Variants in DUSP16 observed in about 807,000 individuals in gnomAD.
DUSP16 encodes dual specificity phosphatase 16.
In DUSP16, 21 loss-of-function variants were observed where a neutral mutation model predicts 58.3. That is an observed-to-expected ratio of 0.36 (90% confidence interval 0.26 to 0.52). The LOEUF (loss-of-function observed/expected upper bound fraction) is 0.52, where lower values mean the gene tolerates loss of function less well. DUSP16 is among the 20% of genes least tolerant of loss of function. The pLI is 0.94. For synonymous variants in DUSP16, 320 were observed against 323.8 expected (o/e 0.99, Z 0.12); for missense variants, 726 against 819.0 (o/e 0.89, Z 1.39).
In DUSP16 at chr12:12,477,383, C is replaced by T. The variant is rs955231110; in HGVS notation, c.1448G>A (p.Arg483Gln). Residue 483 changes from arginine to glutamine, a missense_variant, in exon 7 of 7, where the codon CGA (arginine) becomes CAA (glutamine). Arg to Gln is a conservative substitution (Grantham distance 43, BLOSUM62 1). Transcript: ENST00000298573. The surrounding 1 kb of genome is among the most constrained non-coding windows in gnomAD (Gnocchi z 4.1). ...GCTGCTGGTTCTGACCGAATGCAAT[C>T]GCTTGCTCTGGCTGTCTGAAGGCCT... The part of the protein sequence containing the change: ...TARPSDSQSK[R>Q]LHSVRTSSSG... 45 of 1,613,280 alleles carry T rather than the reference C, an allele frequency of 2.8e-5. No homozygotes were observed. The highest frequency in any genetic ancestry group is 3.6e-5 in the Non-Finnish European group (43 of 1,179,550).
intron 3 of DUSP16, among the ~76,000 whole-genome samples, chr12:12,519,036 C>T (rs763990816): frequency 5.9e-5 from 9 of 152,192 alleles, no homozygotes; most frequent in Non-Finnish European, 1.2e-4. Context: ...AAGCTGAATC[C>T]GCCCAACACA....
chr12:12,481,063 C>CTTTA (rs1037720579), intron 5 of DUSP16, among the ~76,000 whole-genome samples: 25 of 152,140 alleles, frequency 1.6e-4, no homozygotes, highest in Non-Finnish European at 3.1e-4. Context: ...AATGGCTCAA[C>CTTTA]TTTATTTACT....
rs534787711 is a variant in DUSP16, at chr12:12,557,414, G to A, written c.-366+4703C>T. Among the ~76,000 whole-genome samples the A allele has an allele frequency of 6.2e-5, 9 of 145,830 alleles. No individual in the cohort carries two copies. In the East Asian group the frequency reaches 1.0e-3, roughly 16 times the overall value. Reference sequence around the variant, plus strand: ...GGAGGCTGCAGAAAGCCGAGATGGCGCCACTGCACTCCAGCCTGGCGACAG... The same window carrying A: ...GGAGGCTGCAGAAAGCCGAGATGGCACCACTGCACTCCAGCCTGGCGACAG... On this transcript the variant is annotated intron_variant, in intron 1 of 6. Coordinates refer to ENST00000298573, the MANE Select transcript of DUSP16 (RefSeq NM_030640.3).
At chr12:12,504,005 G>T (rs1454870712) in intron 3 of DUSP16, among the ~76,000 whole-genome samples, 1 of 152,172 alleles carries the variant, frequency 6.6e-6, no homozygotes, top group Non-Finnish European at 1.5e-5. Context: ...TGGTATATAA[G>T]TGCCCACTGT....
intron 5 of DUSP16, 143 bp from the exon 6 acceptor site, chr12:12,480,489 T>C: frequency 1.0e-6 from 1 of 977,202 alleles, no homozygotes; most frequent in Non-Finnish European, 1.4e-6. Flanking sequence ...ATCCTCGCAA[T>C]ATTCTTTTGA....
rs1159015691 is a variant in DUSP16, at chr12:12,476,776, AT to A, written c.*56del. 4.1e-6 allele frequency: 6 copies of A among 1,477,448 alleles called. No homozygotes were observed. Among genetic ancestry groups the A allele is most frequent in the Non-Finnish European group, 5.4e-6 (6 of 1,108,214 alleles). 91.5% of individuals were successfully genotyped at this position (1,477,448 alleles called of 1,614,324 possible). A position where few individuals can be genotyped will look rare whatever the true frequency, so the allele number is the denominator to read the frequency against. Reference sequence around the variant, plus strand: ...TATATATATTTCAGATTTACAGGGAATTTTTTTGTGAACAAGAAAAAAAAAT... The same window carrying A: ...TATATATATTTCAGATTTACAGGGAATTTTTTGTGAACAAGAAAAAAAAAT... On this transcript the variant is annotated 3_prime_UTR_variant, in exon 7 of 7. Coordinates refer to ENST00000298573, the MANE Select transcript of DUSP16 (RefSeq NM_030640.3).
At chr12:12,523,400 T>C (rs1944261830) in intron 1 of DUSP16, among the ~76,000 whole-genome samples, 1 of 152,180 alleles carries the variant, frequency 6.6e-6, no homozygotes, top group Admixed American at 6.5e-5. Context: ...TAAAAACAGA[T>C]GTAATTCCAT....
chr12:12,553,136 T>G (rs928074381), intron 1 of DUSP16, among the ~76,000 whole-genome samples: 1 of 152,172 alleles, frequency 6.6e-6, no homozygotes, highest in Non-Finnish European at 1.5e-5. Flanking sequence ...CAGTTTTAAT[T>G]TCTAATGTTA....
chr12:12,489,749 T>C (rs955476265), intron 4 of DUSP16, among the ~76,000 whole-genome samples: 1 of 152,228 alleles, frequency 6.6e-6, no homozygotes, highest in Non-Finnish European at 1.5e-5. Context: ...AAAAATACGA[T>C]GTACACTTCT....
intron 4 of DUSP16, among the ~76,000 whole-genome samples, chr12:12,496,047 T>G (rs1221795019): frequency 6.6e-6 from 1 of 152,208 alleles, no homozygotes; most frequent in East Asian, 1.9e-4. Context: ...GTGATATGGC[T>G]GGTAAGGTGG....
intron 3 of DUSP16, among the ~76,000 whole-genome samples, chr12:12,516,113 T>TC (rs1944148902): frequency 6.6e-6 from 1 of 151,524 alleles, no homozygotes; most frequent in Non-Finnish European, 1.5e-5. Context: ...AAATTTGTTT[T>TC]TTTTTTAAGA....
chr12:12,562,245 C>A lies in DUSP16; in HGVS notation c.-494G>T, dbSNP rs1272180713. ...CGGAGCCGAGAGGGCGGCTGCGCTC[C>A]CGCTCGCGTCCCGTCCCGTCGCTCT... On this transcript the variant is annotated 5_prime_UTR_variant, in exon 1 of 7. Coordinates refer to ENST00000298573, the MANE Select transcript of DUSP16 (RefSeq NM_030640.3). The A allele has an allele frequency of 2.0e-5, 3 of 152,060 alleles. No homozygotes were observed. Among genetic ancestry groups the A allele is most frequent in the Non-Finnish European group, 2.9e-5 (2 of 68,040 alleles). The allele number at this position is 152,060 out of a possible 1,614,324, so 9.4% of individuals were successfully genotyped here.
rs11558279 is a variant in DUSP16, at chr12:12,475,111, T to C, written c.*1722A>G. On this transcript the variant is annotated 3_prime_UTR_variant, in exon 7 of 7. Transcript: ENST00000298573. The stretch of plus-strand genomic sequence containing the variant: ...GTTTTAGAAGTCACCATAGGAAACA[T>C]GAAGTCACATCCTGGTCAAAAAACT... 6.6e-6 allele frequency: 1 copy of C among 152,058 alleles called. No individual in the cohort carries two copies. Among genetic ancestry groups the C allele is most frequent in the African/African-American group, 2.4e-5 (1 of 41,356 alleles). The allele number at this position is 152,058 out of a possible 1,614,324, so 9.4% of individuals were successfully genotyped here.
intron 3 of DUSP16, among the ~76,000 whole-genome samples, chr12:12,510,091 A>G (rs983486376): frequency 1.3e-5 from 2 of 152,162 alleles, no homozygotes; most frequent in African/African-American, 4.8e-5. Flanking sequence ...TGATGCCCCT[A>G]AATGGCGCAG....
chr12:12,493,537 C>T (rs1488450247), intron 4 of DUSP16, among the ~76,000 whole-genome samples: 8 of 152,150 alleles, frequency 5.3e-5, no homozygotes, highest in African/African-American at 1.2e-4. Context: ...TAAAAGCTCC[C>T]GTCTTTCCAA....
At chr12:12,541,949 A>G (rs953827143) in intron 1 of DUSP16, among the ~76,000 whole-genome samples, 1 of 152,258 alleles carries the variant, frequency 6.6e-6, no homozygotes, top group Non-Finnish European at 1.5e-5. Context: ...TATCCCTACT[A>G]TGGAATATTA....
At chr12:12,485,010 AT>A (rs371113333) in intron 5 of DUSP16, among the ~76,000 whole-genome samples, 11,369 of 124,930 alleles carry the variant, frequency 0.091, 805 homozygotes, top group East Asian at 0.41. Flanking sequence ...TTTGTTTGTG[AT>A]TTTTTTTTTT....
At chr12:12,509,623 C>T (rs575974321) in intron 3 of DUSP16, among the ~76,000 whole-genome samples, 60 of 152,258 alleles carry the variant, frequency 3.9e-4, no homozygotes, top group African/African-American at 1.4e-3. Context: ...GTGTTGTGAC[C>T]CGTCTTACTT....
intron 3 of DUSP16, among the ~76,000 whole-genome samples, chr12:12,501,825 A>G (rs900117107): frequency 2.0e-4 from 31 of 152,146 alleles, no homozygotes; most frequent in African/African-American, 7.2e-4. Context: ...AACCGTCTCT[A>G]CTAAAAATAC....
Sources: allele counts gnomAD v4.1 joint callset (sites outside exome capture counted in the v4.1 genomes callset), GRCh38; gene constraint gnomAD v4.1.1; non-coding constraint Gnocchi (gnomAD v3.1); transcripts MANE v1.5; gene names NCBI Gene and HGNC (gene_info 2026-07-23, HGNC 2026-07-21).